Variants in SPECC1 observed in about 807,000 individuals in gnomAD.
The protein encoded by SPECC1 is cytospin-B.
In SPECC1, 62 loss-of-function variants were observed where a neutral mutation model predicts 104.1. The ratio of observed to expected loss-of-function variants is 0.60; its 90% CI spans 0.49 to 0.74. SPECC1 has a LOEUF of 0.74. Among genes scored for constraint, SPECC1 ranks in the 30% least tolerant of loss-of-function variants. The pLI, the probability that SPECC1 is intolerant of heterozygous loss-of-function variation, is 0.00. For missense variants in SPECC1, 1,306 were observed against 1,310.5 expected (o/e 1.00, Z 0.05); for synonymous variants, 513 against 501.6 (o/e 1.02, Z -0.30).
At chr17:20,053,384 C>A (rs769897702) in intron 1 of SPECC1, among the ~76,000 whole-genome samples, 2 of 152,222 alleles carry the variant, frequency 1.3e-5, no homozygotes, top group Non-Finnish European at 2.9e-5. Flanking sequence ...ATTGAACCCC[C>A]TATCCACTTC....
chr17:20,300,382 C>T (rs1242566430), intron 13 of SPECC1, among the ~76,000 whole-genome samples: 3 of 152,192 alleles, frequency 2.0e-5, no homozygotes, highest in South Asian at 2.1e-4. Flanking sequence ...TTTTCTGATA[C>T]GATGTTGGAG....
chr17:20,262,716 T>C (rs749611480), intron 12 of SPECC1, among the ~76,000 whole-genome samples: 3 of 152,124 alleles, frequency 2.0e-5, no homozygotes, highest in Admixed American at 6.6e-5. Context: ...TGAAAGAAGC[T>C]AGCAAGAAAA....
At chr17:20,029,737 C>A (rs2044733993) in intron 1 of SPECC1, among the ~76,000 whole-genome samples, 1 of 152,002 alleles carries the variant, frequency 6.6e-6, no homozygotes, top group African/African-American at 2.4e-5. Flanking sequence ...TTTTCTAATC[C>A]CTCATTAGTA....
rs188336735 is a variant in SPECC1, at chr17:20,240,018, T to G, written c.2352-5908T>G. Among the ~76,000 whole-genome samples, 530 of 145,784 alleles carry G rather than the reference T, an allele frequency of 3.6e-3. 1 individual carries two copies. The highest frequency in any genetic ancestry group is 6.2e-3 in the Non-Finnish European group (411 of 66,718). ...GAGCAGTCCTCCCACCCCAGCCTCCTGAGTAGCTGGGACTACAGGGGCACA... is the reference window on the plus strand; with the variant it reads ...GAGCAGTCCTCCCACCCCAGCCTCCGGAGTAGCTGGGACTACAGGGGCACA... On this transcript the variant is annotated intron_variant, in intron 7 of 14. Transcript: ENST00000395527.
chr17:20,263,363 C>T (rs1309150348), intron 12 of SPECC1, among the ~76,000 whole-genome samples: 1 of 95,722 alleles, frequency 1.0e-5, no homozygotes, highest in Non-Finnish European at 2.0e-5. Context: ...ACACGGGGGC[C>T]TGTTGTGGGG....
intron 3 of SPECC1, among the ~76,000 whole-genome samples, chr17:20,203,887 A>G (rs1158453658): frequency 1.3e-5 from 2 of 152,236 alleles, no homozygotes; most frequent in African/African-American, 2.4e-5. Flanking sequence ...CAACTTAACA[A>G]TGCTATTGAG....
In SPECC1 at chr17:20,316,483, C is replaced by T; in HGVS notation, c.*2418C>T. 1 of 190,780 alleles carries T rather than the reference C, an allele frequency of 5.2e-6. No individual in the cohort carries two copies. 11.8% of individuals were successfully genotyped at this position (190,780 alleles called of 1,614,324 possible). On this transcript the variant is annotated 3_prime_UTR_variant, in exon 15 of 15. Coordinates refer to ENST00000395527, the MANE Select transcript of SPECC1 (RefSeq NM_001243439.2). ...CCGTGTTTAAGCGATTCTCCTGCCTCAGCCTCCCATGTGGCTGGGATTACA... is the reference window on the plus strand; with the variant it reads ...CCGTGTTTAAGCGATTCTCCTGCCTTAGCCTCCCATGTGGCTGGGATTACA...
intron 1 of SPECC1, among the ~76,000 whole-genome samples, chr17:20,028,761 T>G: frequency 2.6e-5 from 1 of 37,896 alleles, no homozygotes; most frequent in Admixed American, 3.0e-4. Flanking sequence ...TCATCTGGGA[T>G]TTTTTTTTTT....
At chr17:20,152,225 A>G (rs1408948602) in intron 3 of SPECC1, among the ~76,000 whole-genome samples, 1 of 152,162 alleles carries the variant, frequency 6.6e-6, no homozygotes, top group Admixed American at 6.5e-5. Flanking sequence ...ACTTAAACCC[A>G]GGAGGCGGAG....
chr17:20,242,266 T>G (rs1304676897), intron 7 of SPECC1, among the ~76,000 whole-genome samples: 1 of 152,184 alleles, frequency 6.6e-6, no homozygotes, highest in Non-Finnish European at 1.5e-5. Context: ...TTCTCTAACA[T>G]AACAAGGAAA....
Position 20,316,108 on chromosome 17 carries a change from A to G in SPECC1, c.*2043A>G, listed in dbSNP as rs2042037158. 1 of 231,792 alleles carries G rather than the reference A, an allele frequency of 4.3e-6. No individual in the cohort carries two copies. The highest frequency in any genetic ancestry group is 2.2e-5 in the African/African-American group (1 of 45,254). 14.4% of individuals were successfully genotyped at this position (231,792 alleles called of 1,614,324 possible). A position where few individuals can be genotyped will look rare whatever the true frequency, so the allele number is the denominator to read the frequency against. On this transcript the variant is annotated 3_prime_UTR_variant, in exon 15 of 15. Coordinates refer to ENST00000395527, the MANE Select transcript of SPECC1 (RefSeq NM_001243439.2). Reference sequence around the variant, plus strand: ...TTTGTATTTAAATGAAACTCGACACATAGAACCAATTCAACCTGAAAGTTA... The same window carrying G: ...TTTGTATTTAAATGAAACTCGACACGTAGAACCAATTCAACCTGAAAGTTA...
chr17:20,212,904 A>G (rs990627841), intron 4 of SPECC1, among the ~76,000 whole-genome samples: 7 of 152,178 alleles, frequency 4.6e-5, no homozygotes, highest in Admixed American at 2.6e-4. Context: ...ATTTTGGGCT[A>G]TTTGTATGTG....
chr17:20,180,776 G>A (rs1316274408), intron 3 of SPECC1, among the ~76,000 whole-genome samples: 2 of 152,086 alleles, frequency 1.3e-5, no homozygotes, highest in Admixed American at 1.3e-4. Flanking sequence ...AAACAAAAAA[G>A]CAAAAGTATA....
chr17:20,163,659 C>T (rs2033377017), intron 3 of SPECC1, among the ~76,000 whole-genome samples: 1 of 151,294 alleles, frequency 6.6e-6, no homozygotes, highest in African/African-American at 2.4e-5. Flanking sequence ...CTCCTGGGTG[C>T]AGGCGGTCCT....
rs2039979448 is a variant in SPECC1, at chr17:20,260,275, A to G, written c.2921A>G (p.Lys974Arg). The G allele has an allele frequency of 6.2e-7, 1 of 1,614,014 alleles. No individual in the cohort carries two copies. Among genetic ancestry groups the G allele is most frequent in the Non-Finnish European group, 8.5e-7 (1 of 1,179,886 alleles). ...KRNALLKWCQ[K>R]KTQGYANIDI... ...AATGCTCTACTGAAATGGTGCCAGA[A>G]GAAGACACAAGGTTATGCGGTAAGG... The change falls in exon 12 of 15, where the codon AAG becomes AGG. Residue 974 changes from lysine to arginine, a missense_variant. Transcript: ENST00000395527.
chr17:20,022,892 C>T (rs1042274299), intron 1 of SPECC1, among the ~76,000 whole-genome samples: 1 of 152,228 alleles, frequency 6.6e-6, no homozygotes. Context: ...GCTGCTGCAT[C>T]TCATGACACT....
At position 20,070,192 on chromosome 17, in the gene SPECC1, C is replaced by G. The variant is rs900730786; in HGVS notation, c.-21-26439C>G. 1.3e-5 allele frequency among the ~76,000 whole-genome samples: 2 copies of G among 152,170 alleles called. 1 individual carries two copies. Among genetic ancestry groups the G allele is most frequent in the Non-Finnish European group, 2.9e-5 (2 of 68,014 alleles). On this transcript the variant is annotated intron_variant, in intron 1 of 14. Transcript: ENST00000395527. ...GCAGAGAGACACCCTTGTCTAGTTT[C>G]TGATCTTAGGAGAAAGCTATCAGAT...
chr17:20,011,688 C>T (rs2043949409), intron 1 of SPECC1, among the ~76,000 whole-genome samples: 1 of 151,950 alleles, frequency 6.6e-6, no homozygotes, highest in African/African-American at 2.4e-5. Flanking sequence ...CAAGTTTTAA[C>T]TGTTTGAATG....
At chr17:20,195,284 C>G (rs2035953488) in intron 3 of SPECC1, among the ~76,000 whole-genome samples, 1 of 151,712 alleles carries the variant, frequency 6.6e-6, no homozygotes, top group Non-Finnish European at 1.5e-5. Flanking sequence ...AGCTTTAGGA[C>G]AGCCACTATT....
Sources: gnomAD v4.1 joint callset for allele counts (sites outside exome capture counted in the v4.1 genomes callset) on GRCh38, gnomAD v4.1.1 for gene constraint, MANE v1.5 for transcripts, NCBI Gene and HGNC (gene_info 2026-07-23, HGNC 2026-07-21) for gene names.